CA2: variants seen among roughly 807,000 people sequenced by gnomAD.
CA2 encodes the protein carbonate dehydratase II.
A neutral mutation model predicts 27.8 loss-of-function variants in CA2; 23 were observed. The ratio of observed to expected loss-of-function variants is 0.83; its 90% CI spans 0.59 to 1.17. The LOEUF is 1.17. Among genes scored for constraint, CA2 ranks in the 50% most tolerant of loss-of-function variants. The pLI, the probability that CA2 is intolerant of heterozygous loss-of-function variation, is 0.00. For missense variants in CA2, 300 were observed against 314.7 expected (o/e 0.95, Z 0.35); for synonymous variants, 99 against 114.9 (o/e 0.86, Z 0.88).
rs773287443 is a variant in CA2, at chr8:85,465,268, C to T, written c.35-4C>T. ...GGGGGATTCACATGTCTTCTTTCCC[C>T]CAGGACCTGAGCACTGGCATAAGGA... On this transcript the variant is annotated splice_polypyrimidine_tract_variant and splice_region_variant and intron_variant, in intron 1 of 6. Transcript: ENST00000285379. The T allele has an allele frequency of 8.1e-6, 13 of 1,613,350 alleles. No individual in the cohort carries two copies. The highest frequency in any genetic ancestry group is 1.1e-5 in the Non-Finnish European group (13 of 1,179,416).
At chr8:85,468,228 G>A (rs999340847) in intron 2 of CA2, among the ~76,000 whole-genome samples, 2 of 152,208 alleles carry the variant, frequency 1.3e-5, no homozygotes, top group Non-Finnish European at 2.9e-5. Context: ...TCCAGGCAAA[G>A]GGAGATAGGA....
chr8:85,467,976 G>A (rs1378725014), intron 2 of CA2, among the ~76,000 whole-genome samples: 2 of 152,226 alleles, frequency 1.3e-5, no homozygotes, highest in Non-Finnish European at 2.9e-5. Flanking sequence ...CATCATGAAA[G>A]CAGGGTGGAG....
intron 6 of CA2, among the ~76,000 whole-genome samples, chr8:85,479,353 G>T (rs1033553076): frequency 2.0e-5 from 3 of 152,292 alleles, no homozygotes; most frequent in African/African-American, 7.2e-5. Context: ...CTGTTGTAAC[G>T]AATCAACCCT....
chr8:85,465,526 A>G, intron 2 of CA2, 57 bp downstream of exon 2: 2 of 1,400,394 alleles, frequency 1.4e-6, no homozygotes, highest in South Asian at 1.2e-5. Context: ...TCCGAGCTTA[A>G]TGGAAGGAGC....
In CA2 at chr8:85,465,267, C is replaced by G. The variant is rs546037350; in HGVS notation, c.35-5C>G. 41 of 1,612,980 alleles carry G rather than the reference C, an allele frequency of 2.5e-5. No individual in the cohort carries two copies. Among genetic ancestry groups the G allele is most frequent in the Non-Finnish European group, 3.4e-5 (40 of 1,179,078 alleles). ...TGGGGGATTCACATGTCTTCTTTCC[C>G]CCAGGACCTGAGCACTGGCATAAGG... On this transcript the variant is annotated splice_polypyrimidine_tract_variant and splice_region_variant and intron_variant, in intron 1 of 6. Coordinates refer to ENST00000285379, the MANE Select transcript of CA2 (RefSeq NM_000067.3).
intron 2 of CA2, among the ~76,000 whole-genome samples, chr8:85,467,915 G>A (rs531139312): frequency 6.6e-6 from 1 of 152,160 alleles, no homozygotes; most frequent in Admixed American, 6.6e-5. Flanking sequence ...TATCCACCTA[G>A]TTCTACAAAA....
chr8:85,468,513 C>G (rs1023692795), intron 2 of CA2, among the ~76,000 whole-genome samples: 3 of 152,222 alleles, frequency 2.0e-5, no homozygotes, highest in Non-Finnish European at 4.4e-5. Context: ...AGTCCCAGCA[C>G]TTTGGAAGAC....
At position 85,464,127 on chromosome 8, in the gene CA2, C is replaced by A; in HGVS notation, c.34+12C>A. 6.5e-7 allele frequency: 1 copy of A among 1,536,672 alleles called. No homozygotes were observed. The highest frequency in any genetic ancestry group is 8.7e-7 in the Non-Finnish European group (1 of 1,143,214). ...CGGCAAACACAACGGTGAGTGCCGGCGACGGCCAGCGCGGGGGCGCCCCGA... is the reference window on the plus strand; with the variant it reads ...CGGCAAACACAACGGTGAGTGCCGGAGACGGCCAGCGCGGGGGCGCCCCGA... On this transcript the variant is annotated intron_variant, in intron 1 of 6. Transcript: ENST00000285379.
intron 2 of CA2, among the ~76,000 whole-genome samples, chr8:85,468,245 A>G (rs1032851068): frequency 6.6e-6 from 1 of 152,224 alleles, no homozygotes; most frequent in East Asian, 1.9e-4. Flanking sequence ...AGGAAATACC[A>G]GGAGACTTAA....
rs756073599 is a variant in CA2, at chr8:85,480,714, C to T, written c.708C>T (p.Pro236=). The T allele has an allele frequency of 5.0e-6, 8 of 1,613,470 alleles. No individual in the cohort carries two copies. The highest frequency in any genetic ancestry group is 1.7e-5 in the Admixed American group (1 of 59,940). ...RKLNFNGEGE[P]EELMVDNWRP... ...TTAACTTCAATGGGGAGGGTGAACC[C>T]GAAGAACTGATGGTGGACAACTGGC... Residue 236 remains proline, a synonymous_variant, in exon 7 of 7, where the codon CCC becomes CCT. Transcript: ENST00000285379.
chr8:85,465,233 TC>T, intron 1 of CA2, 38 bp from the exon 2 acceptor site: 1 of 1,537,504 alleles, frequency 6.5e-7, no homozygotes, highest in African/African-American at 1.4e-5. Context: ...GGTGTACCTT[TC>T]CCCACAATGG....
chr8:85,466,679 TACAC>T (rs33928115), intron 2 of CA2, among the ~76,000 whole-genome samples: 6,315 of 148,858 alleles, frequency 0.042, 142 homozygotes, highest in African/African-American at 0.049. Flanking sequence ...CATACATACA[TACAC>T]ACACACACAC....
At chr8:85,478,129 T>C (rs1563435894) in intron 6 of CA2, among the ~76,000 whole-genome samples, 1 of 152,222 alleles carries the variant, frequency 6.6e-6, no homozygotes, top group African/African-American at 2.4e-5. Context: ...TGAATCACAT[T>C]GATCAACAGT....
At chr8:85,473,010 T>TAAATA (rs780113099) in intron 2 of CA2, among the ~76,000 whole-genome samples, 11 of 141,474 alleles carry the variant, frequency 7.8e-5, no homozygotes, top group African/African-American at 2.3e-4. Context: ...ATAATAATAA[T>TAAATA]AATAAATAAA....
chr8:85,478,816 GC>G (rs1811844887), intron 6 of CA2, among the ~76,000 whole-genome samples: 1 of 152,154 alleles, frequency 6.6e-6, no homozygotes, highest in East Asian at 1.9e-4. Context: ...CCTTGACTTG[GC>G]CTTGCCAATT....
chr8:85,464,038 A>G lies in CA2; in HGVS notation c.-44A>G, dbSNP rs746064476. 13 of 1,538,300 alleles carry G rather than the reference A, an allele frequency of 8.5e-6. No homozygotes were observed. The African/African-American group carries it at 1.4e-4, about 16-fold the overall frequency. ...TGCAGGCGCCCAAGCCGCCGCCGCC[A>G]GATCGGTGCCGATTCCTGCCCTGCC... On this transcript the variant is annotated 5_prime_UTR_variant, in exon 1 of 7. Coordinates refer to ENST00000285379, the MANE Select transcript of CA2 (RefSeq NM_000067.3).
At chr8:85,469,507 A>G (rs927789345) in intron 2 of CA2, among the ~76,000 whole-genome samples, 1 of 152,212 alleles carries the variant, frequency 6.6e-6, no homozygotes, top group African/African-American at 2.4e-5. Flanking sequence ...AAGCCACCAT[A>G]AATTCACCTT....
chr8:85,477,002 T>C, intron 5 of CA2, 118 bp from the exon 6 acceptor site: 3 of 968,648 alleles, frequency 3.1e-6, no homozygotes, highest in Non-Finnish European at 5.0e-6. Flanking sequence ...GAACCTCTTT[T>C]TTAAAAAGTG....
chr8:85,467,391 G>A (rs933322461), intron 2 of CA2, among the ~76,000 whole-genome samples: 3 of 152,126 alleles, frequency 2.0e-5, no homozygotes, highest in African/African-American at 7.2e-5. Context: ...AATAGTGTCT[G>A]CCACAGTGGA....
Sources: gnomAD v4.1 joint callset for allele counts (sites outside exome capture counted in the v4.1 genomes callset) on GRCh38, gnomAD v4.1.1 for gene constraint, MANE v1.5 for transcripts, NCBI Gene and HGNC (gene_info 2026-07-23, HGNC 2026-07-21) for gene names.